Variants in TLN2 observed in about 807,000 individuals in gnomAD.
The protein encoded by TLN2 is talin 2, also known as talin-2.
In TLN2, 118 loss-of-function variants were observed where a neutral mutation model predicts 294.7. The ratio of observed to expected loss-of-function variants is 0.40; its 90% CI spans 0.34 to 0.47. The LOEUF is 0.47. Among genes scored for constraint, TLN2 ranks in the 20% least tolerant of loss-of-function variants. TLN2 has a pLI of 0.84. For missense variants in TLN2, 3,083 were observed against 3,282.2 expected, an observed-to-expected ratio of 0.94 and a Z score of 1.48; for synonymous variants, 1,431 against 1,304.5, an observed-to-expected ratio of 1.10 and a Z score of -2.09.
intron 13 of TLN2, among the ~76,000 whole-genome samples, chr15:62,693,880 C>G (rs2058111951): frequency 2.6e-5 from 4 of 150,948 alleles, no homozygotes; most frequent in Admixed American, 2.0e-4. Flanking sequence ...TTTGAGTAAA[C>G]TTCAACACTT....
intron 2 of TLN2, among the ~76,000 whole-genome samples, chr15:62,616,982 C>T (rs762204204): frequency 1.1e-4 from 16 of 152,136 alleles, no homozygotes; most frequent in Admixed American, 3.3e-4. Context: ...TGTCTGCATG[C>T]GTGTCTTCTT....
chr15:62,492,228 G>T (rs2038773805), intron 1 of TLN2, among the ~76,000 whole-genome samples: 2 of 152,052 alleles, frequency 1.3e-5, no homozygotes, highest in African/African-American at 2.4e-5. Flanking sequence ...GAGGCGGGTG[G>T]ATCATGAGGT....
In TLN2 at chr15:62,763,421, A is replaced by G. The variant is rs118125600; in HGVS notation, c.4962-142A>G. ...TGGGCTGTGCAGTGAGACGTTGCCAACCAGGGGTCAGGGATTCCTCCTGAA... is the reference window on the plus strand; with the variant it reads ...TGGGCTGTGCAGTGAGACGTTGCCAGCCAGGGGTCAGGGATTCCTCCTGAA... On this transcript the variant is annotated intron_variant, in intron 39 of 58. Coordinates refer to ENST00000636159, the MANE Select transcript of TLN2 (RefSeq NM_015059.3). 4.5e-6 allele frequency: 5 copies of G among 1,115,470 alleles called. No homozygotes were observed. In the African/African-American group the frequency reaches 6.2e-5, roughly 14 times the overall value. The allele number at this position is 1,115,470 out of a possible 1,614,324, so 69.1% of individuals were successfully genotyped here. A position where few individuals can be genotyped will look rare whatever the true frequency, so the allele number is the denominator to read the frequency against.
chr15:62,693,221 A>G (rs960365188), intron 13 of TLN2, among the ~76,000 whole-genome samples: 1 of 152,090 alleles, frequency 6.6e-6, no homozygotes, highest in African/African-American at 2.4e-5. Context: ...AGTCCCAGTT[A>G]CTCGGGAGGT....
chr15:62,753,399 C>T (rs541045898), intron 35 of TLN2, among the ~76,000 whole-genome samples: 1 of 152,306 alleles, frequency 6.6e-6, no homozygotes, highest in South Asian at 2.1e-4. Context: ...TTTTGTGCCT[C>T]TCCTGTCTGC....
intron 10 of TLN2, among the ~76,000 whole-genome samples, chr15:62,674,519 T>TC (rs1270860502): frequency 6.6e-6 from 1 of 151,710 alleles, no homozygotes; most frequent in African/African-American, 2.4e-5. Context: ...ATATTTTTTT[T>TC]TTTTTTGAGA....
intron 1 of TLN2, among the ~76,000 whole-genome samples, chr15:62,532,869 T>C (rs75754564): frequency 0.026 from 3,945 of 152,302 alleles, 161 homozygotes; most frequent in African/African-American, 0.091. Flanking sequence ...CTGAGTCTGA[T>C]AATTTTCATG....
At chr15:62,619,332 T>C (rs575455688) in intron 3 of TLN2, among the ~76,000 whole-genome samples, 1 of 152,354 alleles carries the variant, frequency 6.6e-6, no homozygotes, top group African/African-American at 2.4e-5. Flanking sequence ...ATAGCGCACC[T>C]CCAGTTTCTC....
intron 54 of TLN2, chr15:62,832,336 C>T (rs1393004051): frequency 6.6e-6 from 1 of 152,180 alleles, no homozygotes; most frequent in East Asian, 1.9e-4. Context: ...GCCATCATCT[C>T]TCAATGCCTG....
chr15:62,532,828 C>T (rs776930963), intron 1 of TLN2, among the ~76,000 whole-genome samples: 5 of 152,074 alleles, frequency 3.3e-5, no homozygotes, highest in Admixed American at 1.3e-4. Flanking sequence ...CAGTGGGAAA[C>T]GAGATGCCCC....
At chr15:62,764,280 T>C (rs1183868020) in intron 40 of TLN2, among the ~76,000 whole-genome samples, 1 of 152,220 alleles carries the variant, frequency 6.6e-6, no homozygotes, top group Admixed American at 6.5e-5. Flanking sequence ...TTGGGTCTTT[T>C]TCTATTACCT....
At chr15:62,718,557 C>T (rs990911582) in intron 24 of TLN2, among the ~76,000 whole-genome samples, 5 of 152,204 alleles carry the variant, frequency 3.3e-5, no homozygotes, top group Non-Finnish European at 7.3e-5. Context: ...TCTGGATTCT[C>T]TGAGGCCAGC....
At chr15:62,623,807 C>T (rs527284501) in intron 3 of TLN2, among the ~76,000 whole-genome samples, 24 of 152,178 alleles carry the variant, frequency 1.6e-4, no homozygotes, top group South Asian at 2.1e-4. Context: ...AGAATAAGTC[C>T]GGTGAGATAG....
intron 3 of TLN2, among the ~76,000 whole-genome samples, chr15:62,636,568 CT>C (rs573959865): frequency 0.037 from 5,645 of 152,084 alleles, 129 homozygotes; most frequent in Non-Finnish European, 0.053. Context: ...AATTTCTTTC[CT>C]TTTTTTCTTC....
chr15:62,604,692 T>G (rs1596317398), intron 2 of TLN2, among the ~76,000 whole-genome samples: 1 of 126,536 alleles, frequency 7.9e-6, no homozygotes, highest in African/African-American at 3.0e-5. Context: ...TCTCTTCGTC[T>G]TCTTTTTTTT....
At chr15:62,815,040 A>G (rs373492248) in intron 52 of TLN2, among the ~76,000 whole-genome samples, 2 of 152,344 alleles carry the variant, frequency 1.3e-5, no homozygotes, top group Admixed American at 6.5e-5. Context: ...CCAAATTGCT[A>G]ATCTAGAGAA....
In TLN2 at chr15:62,800,720, G is replaced by C; in HGVS notation, c.6428G>C (p.Gly2143Ala). 6.2e-7 allele frequency: 1 copy of C among 1,613,862 alleles called. No homozygotes were observed. The highest frequency in any genetic ancestry group is 8.5e-7 in the Non-Finnish European group (1 of 1,179,882). Residue 2143 changes from glycine to alanine, a missense_variant, in exon 50 of 59, where the codon GGC becomes GCC. Gly to Ala is a moderately conservative substitution (Grantham distance 60, BLOSUM62 0). Coordinates refer to ENST00000636159, the MANE Select transcript of TLN2 (RefSeq NM_015059.3). The stretch of plus-strand genomic sequence containing the variant: ...GCAGTGGAGGATGAGGCCACCCGGG[G>C]CACCAGGGCGCTTGAGGCCACAATT... ...VKAVEDEATR[G>A]TRALEATIEC...
intron 7 of TLN2, among the ~76,000 whole-genome samples, chr15:62,654,871 A>T (rs1596515608): frequency 6.6e-6 from 1 of 151,994 alleles, no homozygotes; most frequent in East Asian, 1.9e-4. Context: ...TGTGTCCCTA[A>T]AGCCCATGCT....
chr15:62,770,189 G>A (rs1378586564), intron 41 of TLN2, among the ~76,000 whole-genome samples: 2 of 152,206 alleles, frequency 1.3e-5, no homozygotes, highest in Non-Finnish European at 2.9e-5. Flanking sequence ...GTATCTTCAT[G>A]TGTATCTGCC....
Sources: gnomAD v4.1 joint callset for allele counts (sites outside exome capture counted in the v4.1 genomes callset) on GRCh38, gnomAD v4.1.1 for gene constraint, MANE v1.5 for transcripts, NCBI Gene and HGNC (gene_info 2026-07-23, HGNC 2026-07-21) for gene names.